The following DCUN1D5 variants were observed in gnomAD, a reference collection of about 807,000 sequenced individuals.
DCUN1D5 encodes DCN1-like protein 5.
In DCUN1D5, 10 loss-of-function variants were observed where a neutral mutation model predicts 38.3. The ratio of observed to expected loss-of-function variants is 0.26; its 90% CI spans 0.16 to 0.44. The LOEUF (loss-of-function observed/expected upper bound fraction) is 0.44, where lower values mean the gene tolerates loss of function less well. DCUN1D5 is among the 20% of genes least tolerant of loss of function. DCUN1D5 has a pLI of 1.00. For synonymous variants in DCUN1D5, 93 were observed against 90.9 expected (o/e 1.02, Z -0.13); for missense variants, 148 against 275.3 (o/e 0.54, Z 3.27).
Position 103,092,020 on chromosome 11 carries a change from G to A in DCUN1D5, c.-148C>T. On this transcript the variant is annotated 5_prime_UTR_variant, in exon 1 of 8. Transcript: ENST00000260247. ...AGCCCGCACCGGCGCGGCCCAGCCC[G>A]GCCGCCGCCCGCTCCCAGGTATCCT... 2.9e-6 allele frequency: 2 copies of A among 682,358 alleles called. No homozygotes were observed. The highest frequency in any genetic ancestry group is 3.8e-5 in the South Asian group (2 of 52,542). 42.3% of individuals were successfully genotyped at this position (682,358 alleles called of 1,614,324 possible).
intron 4 of DCUN1D5, among the ~76,000 whole-genome samples, chr11:103,074,564 T>C (rs1042110124): frequency 6.6e-6 from 1 of 152,034 alleles, no homozygotes; most frequent in African/African-American, 2.4e-5. Context: ...CACCACCACA[T>C]CCAGCTAATT....
At chr11:103,076,732 T>G (rs1430462499) in intron 4 of DCUN1D5, among the ~76,000 whole-genome samples, 1 of 152,304 alleles carries the variant, frequency 6.6e-6, no homozygotes, top group East Asian at 1.9e-4. Context: ...CCATAAAGAT[T>G]AAATGAGAAT....
intron 2 of DCUN1D5, 113 bp downstream of exon 2, chr11:103,089,114 C>A: frequency 9.6e-7 from 1 of 1,040,542 alleles, no homozygotes; most frequent in Non-Finnish European, 1.4e-6. Flanking sequence ...ACCCTCATCC[C>A]AGTACACAGC....
chr11:103,078,361 C>T lies in DCUN1D5; in HGVS notation c.341+4387G>A, dbSNP rs1234411856. On this transcript the variant is annotated intron_variant, in intron 4 of 7. Transcript: ENST00000260247. This position sits in a 1 kb window ranked among gnomAD's most constrained non-coding sequence, Gnocchi z 4.6. Reference sequence around the variant, plus strand: ...AACTCGCCAAGTATCCTTGAAACCTCGTATCTATAGACGAAGGAAGAGAAA... The same window carrying T: ...AACTCGCCAAGTATCCTTGAAACCTTGTATCTATAGACGAAGGAAGAGAAA... Among the ~76,000 whole-genome samples, 1 of 152,156 alleles carries T rather than the reference C, an allele frequency of 6.6e-6. No individual in the cohort carries two copies. Among genetic ancestry groups the T allele is most frequent in the Non-Finnish European group, 1.5e-5 (1 of 68,028 alleles).
At chr11:103,070,936 A>G (rs757914069) in intron 4 of DCUN1D5, among the ~76,000 whole-genome samples, 1 of 152,164 alleles carries the variant, frequency 6.6e-6, no homozygotes, top group Non-Finnish European at 1.5e-5. Context: ...ATCTCCAAAC[A>G]CTTGGAAACT....
At position 103,091,691 on chromosome 11, in the gene DCUN1D5, C is replaced by T; in HGVS notation, c.86+96G>A. 6.2e-7 allele frequency: 1 copy of T among 1,608,212 alleles called. No homozygotes were observed. Among genetic ancestry groups the T allele is most frequent in the Non-Finnish European group, 8.5e-7 (1 of 1,177,426 alleles). On this transcript the variant is annotated intron_variant, in intron 1 of 7. Coordinates refer to ENST00000260247, the MANE Select transcript of DCUN1D5 (RefSeq NM_032299.4). The surrounding 1 kb of genome is among the most constrained non-coding windows in gnomAD (Gnocchi z 4.3). ...CGATCAAAGGGGCCTCACCTGTCTC[C>T]AGCCCCAGCCCGGCAGGCCGGGCCC... is the stretch of plus-strand genomic sequence containing the variant.
chr11:103,064,295 T>G lies in DCUN1D5; in HGVS notation c.638A>C (p.Asn213Thr). 1 of 1,610,622 alleles carries G rather than the reference T, an allele frequency of 6.2e-7. No individual in the cohort carries two copies. Among genetic ancestry groups the G allele is most frequent in the Non-Finnish European group, 8.5e-7 (1 of 1,179,094 alleles). The change falls in exon 7 of 8, where the codon AAC (asparagine) becomes ACC (threonine). Residue 213 changes from asparagine (N) to threonine (T), a missense_variant. Asn to Thr is a moderately conservative substitution (Grantham distance 65). Transcript: ENST00000260247. The surrounding 1 kb of genome is among the most constrained non-coding windows in gnomAD (Gnocchi z 4.5). The stretch of plus-strand genomic sequence containing the variant: ...CTTACAAGCACCATCTTCATCATAG[T>G]TACTAAGATCAGCATGGACTGTTCT... Reference protein sequence around the residue: ...FSRTVHADLSNYDEDGAWPVL... With the variant: ...FSRTVHADLSTYDEDGAWPVL...
rs552232916 is a variant in DCUN1D5, at chr11:103,080,550, A to G, written c.341+2198T>C. Among the ~76,000 whole-genome samples the G allele has an allele frequency of 2.0e-4, 30 of 152,340 alleles. 1 individual carries two copies. Among genetic ancestry groups the G allele is most frequent in the Non-Finnish European group, 2.2e-4 (15 of 68,022 alleles). The stretch of plus-strand genomic sequence containing the variant: ...TTTCCAGGTCAAGAATGCTCACTTC[A>G]AGCATTCCTCAGTAGCTTCAAGGCT... On this transcript the variant is annotated intron_variant, in intron 4 of 7. Coordinates refer to ENST00000260247, the MANE Select transcript of DCUN1D5 (RefSeq NM_032299.4).
At chr11:103,084,900 T>C (rs7951661) in intron 2 of DCUN1D5, among the ~76,000 whole-genome samples, 5,076 of 152,072 alleles carry the variant, frequency 0.033, 291 homozygotes, top group African/African-American at 0.12. Flanking sequence ...GGTGGGAGCA[T>C]TGCTTGAGCC....
intron 1 of DCUN1D5, among the ~76,000 whole-genome samples, chr11:103,089,887 C>T (rs984972791): frequency 5.3e-5 from 8 of 151,906 alleles, no homozygotes; most frequent in African/African-American, 1.9e-4. Context: ...TAATAATAGT[C>T]CAAATAATTG....
rs1862429398 is a variant in DCUN1D5 at position 103,077,136 on chromosome 11, CT to C, written c.341+5611del. Among the ~76,000 whole-genome samples, 1 of 151,980 alleles carries C rather than the reference CT, an allele frequency of 6.6e-6. No homozygotes were observed. The highest frequency in any genetic ancestry group is 1.5e-5 in the Non-Finnish European group (1 of 67,988). The stretch of plus-strand genomic sequence containing the variant: ...AATGGCGTGAACCCGGGAGGCGGAG[CT>C]TGCAGTGAGCCGAGATCGCGCCACT... On this transcript the variant is annotated intron_variant, in intron 4 of 7. Coordinates refer to ENST00000260247, the MANE Select transcript of DCUN1D5 (RefSeq NM_032299.4). The surrounding 1 kb of genome is among the most constrained non-coding windows in gnomAD (Gnocchi z 4.3).
At position 103,057,881 on chromosome 11, in the gene DCUN1D5, A is replaced by G. The variant is rs1238702705; in HGVS notation, c.*4478T>C. On this transcript the variant is annotated 3_prime_UTR_variant, in exon 8 of 8. Coordinates refer to ENST00000260247, the MANE Select transcript of DCUN1D5 (RefSeq NM_032299.4). The surrounding 1 kb of genome is among the most constrained non-coding windows in gnomAD (Gnocchi z 4.8). Reference sequence around the variant, plus strand: ...TAACCTCATACTTAAAACCAAACCCATGAAGTATGTGGAAAAAATTCATTA... The same window carrying G: ...TAACCTCATACTTAAAACCAAACCCGTGAAGTATGTGGAAAAAATTCATTA... 1.3e-5 allele frequency among the ~76,000 whole-genome samples: 2 copies of G among 152,206 alleles called. No homozygotes were observed. Among genetic ancestry groups the G allele is most frequent in the African/African-American group, 4.8e-5 (2 of 41,454 alleles).
chr11:103,072,682 T>C (rs1862307141), intron 4 of DCUN1D5, among the ~76,000 whole-genome samples: 1 of 145,254 alleles, frequency 6.9e-6, no homozygotes, highest in African/African-American at 2.6e-5. Flanking sequence ...ACACTGCATG[T>C]TCTCACTCAT....
rs1370919456 is a variant in DCUN1D5 at position 103,083,149 on chromosome 11, A to G, written c.249+107T>C. 7 of 653,382 alleles carry G rather than the reference A, an allele frequency of 1.1e-5. No individual in the cohort carries two copies. In the East Asian group the frequency reaches 1.9e-4, roughly 18 times the overall value. 40.5% of individuals were successfully genotyped at this position (653,382 alleles called of 1,614,324 possible). On this transcript the variant is annotated intron_variant, in intron 3 of 7. Coordinates refer to ENST00000260247, the MANE Select transcript of DCUN1D5 (RefSeq NM_032299.4). This position sits in a 1 kb window ranked among gnomAD's most constrained non-coding sequence, Gnocchi z 4.4. ...TAAATGCAAATTTACAATATTAAAC[A>G]TGAAGAAATAAAATCTTCATACAAG...
At chr11:103,072,448 A>C (rs1862301842) in intron 4 of DCUN1D5, among the ~76,000 whole-genome samples, 1 of 151,282 alleles carries the variant, frequency 6.6e-6, no homozygotes, top group South Asian at 2.1e-4. Context: ...GCTGCTATAA[A>C]GACATATGCA....
chr11:103,076,852 A>C (rs1234933432), intron 4 of DCUN1D5, among the ~76,000 whole-genome samples: 1 of 152,172 alleles, frequency 6.6e-6, no homozygotes, highest in African/African-American at 2.4e-5. Context: ...ACCATTCCTA[A>C]TGGTCTACTG....
chr11:103,089,248 C>A lies in DCUN1D5; in HGVS notation c.157G>T (p.Ala53Ser). The A allele has an allele frequency of 6.2e-7, 1 of 1,613,572 alleles. No individual in the cohort carries two copies. Among genetic ancestry groups the A allele is most frequent in the Non-Finnish European group, 8.5e-7 (1 of 1,179,730 alleles). ...EEHFSSKKCLAWFYEYAGPDE... is the reference protein window; with the variant it reads ...EEHFSSKKCLSWFYEYAGPDE... ...TTACCTGCATATTCATAAAACCAAG[C>A]CAGGCACTTCTTGCTTGAAAAATGT... is the stretch of plus-strand genomic sequence containing the variant. The change falls in exon 2 of 8, where the codon GCT (alanine) becomes TCT (serine). Residue 53 changes from alanine to serine, a missense_variant. Transcript: ENST00000260247.
rs1285417387 is a variant in DCUN1D5 at position 103,057,267 on chromosome 11, T to G, written c.*5092A>C. On this transcript the variant is annotated 3_prime_UTR_variant, in exon 8 of 8. Transcript: ENST00000260247. This position sits in a 1 kb window ranked among gnomAD's most constrained non-coding sequence, Gnocchi z 4.8. Reference sequence around the variant, plus strand: ...TTCTGCTAAGTTTGATAAGTTAGTTTAAGTCTCAAATGACAAGTTGCTCAA... The same window carrying G: ...TTCTGCTAAGTTTGATAAGTTAGTTGAAGTCTCAAATGACAAGTTGCTCAA... Among the ~76,000 whole-genome samples, 1 of 152,192 alleles carries G rather than the reference T, an allele frequency of 6.6e-6. No homozygotes were observed. Among genetic ancestry groups the G allele is most frequent in the African/African-American group, 2.4e-5 (1 of 41,446 alleles).
At chr11:103,082,364 G>A (rs1862587336) in intron 4 of DCUN1D5, among the ~76,000 whole-genome samples, 1 of 152,068 alleles carries the variant, frequency 6.6e-6, no homozygotes, top group South Asian at 2.1e-4. Context: ...GTGAAGAAGG[G>A]AGAGGAGGCC....
Sources: gnomAD v4.1 joint callset for allele counts (sites outside exome capture counted in the v4.1 genomes callset) on GRCh38, gnomAD v4.1.1 for gene constraint, Gnocchi (gnomAD v3.1) non-coding constraint, MANE v1.5 for transcripts, NCBI Gene and HGNC (gene_info 2026-07-23, HGNC 2026-07-21) for gene names.